TAFA4: variants seen among roughly 807,000 people sequenced by gnomAD.
TAFA4 encodes the protein TAFA chemokine like family member 4.
Under a neutral mutation model 21.1 loss-of-function variants are expected in TAFA4, and 20 were observed. The ratio of observed to expected loss-of-function variants is 0.95; its 90% CI spans 0.67 to 1.38. TAFA4 has a LOEUF of 1.38. Ranked by LOEUF, TAFA4 falls within the 40% of genes most tolerant of loss-of-function variation. The pLI is 0.00. For missense variants in TAFA4, 211 were observed against 180.9 expected, an observed-to-expected ratio of 1.17 and a Z score of -0.95; for synonymous variants, 71 against 67.4, an observed-to-expected ratio of 1.05 and a Z score of -0.26.
At chr3:68,897,134 T>G (rs1188069107) in intron 1 of TAFA4, among the ~76,000 whole-genome samples, 1 of 151,870 alleles carries the variant, frequency 6.6e-6, no homozygotes. Flanking sequence ...ACTCATGACC[T>G]CAAGTGATCC....
intron 1 of TAFA4, among the ~76,000 whole-genome samples, chr3:68,914,866 A>G (rs2089989373): frequency 6.6e-6 from 1 of 152,198 alleles, no homozygotes; most frequent in Non-Finnish European, 1.5e-5. Flanking sequence ...GTTGGGGGAA[A>G]AAAAGAATAG....
intron 3 of TAFA4, among the ~76,000 whole-genome samples, chr3:68,784,221 G>T (rs113408533): frequency 0.018 from 2,751 of 152,314 alleles, 85 homozygotes; most frequent in African/African-American, 0.062. Flanking sequence ...TGAGGGGAAG[G>T]CACAACTTTT....
intron 1 of TAFA4, among the ~76,000 whole-genome samples, chr3:68,916,575 G>A (rs2090006942): frequency 6.6e-6 from 1 of 152,168 alleles, no homozygotes; most frequent in Non-Finnish European, 1.5e-5. Flanking sequence ...CATTCTGCCT[G>A]TATCATTTCA....
intron 3 of TAFA4, among the ~76,000 whole-genome samples, chr3:68,780,680 C>A (rs1259656612): frequency 1.3e-5 from 2 of 152,178 alleles, no homozygotes; most frequent in African/African-American, 2.4e-5. Context: ...CATACTCTTT[C>A]TTTTGTAAAT....
intron 5 of TAFA4, 92 bp downstream of exon 5, chr3:68,738,983 A>G: frequency 6.4e-7 from 1 of 1,551,068 alleles, no homozygotes; most frequent in South Asian, 1.2e-5. Flanking sequence ...TTAACACATA[A>G]TAATGTGTTC....
chr3:68,805,545 G>C (rs1381244615), intron 3 of TAFA4, among the ~76,000 whole-genome samples: 1 of 152,114 alleles, frequency 6.6e-6, no homozygotes, highest in African/African-American at 2.4e-5. Context: ...GCAAAGACTT[G>C]GAACCAACCC....
chr3:68,909,694 T>C (rs957776666), intron 1 of TAFA4, among the ~76,000 whole-genome samples: 28 of 152,238 alleles, frequency 1.8e-4, no homozygotes, highest in African/African-American at 6.3e-4. Flanking sequence ...TACTATCAGA[T>C]GGGACTGGGT....
At chr3:68,752,386 C>A (rs1430626483) in intron 4 of TAFA4, among the ~76,000 whole-genome samples, 1 of 152,208 alleles carries the variant, frequency 6.6e-6, no homozygotes, top group Non-Finnish European at 1.5e-5. Context: ...ATGAACGATA[C>A]ATGATTCCAA....
At chr3:68,841,749 G>C (rs6795412) in intron 3 of TAFA4, among the ~76,000 whole-genome samples, 1 of 150,822 alleles carries the variant, frequency 6.6e-6, no homozygotes, top group Non-Finnish European at 1.5e-5. Context: ...CCCTGTGTCC[G>C]TGTGTTCTCA....
intron 1 of TAFA4, among the ~76,000 whole-genome samples, chr3:68,893,093 A>G (rs1284167624): frequency 6.6e-6 from 1 of 152,214 alleles, no homozygotes; most frequent in Non-Finnish European, 1.5e-5. Context: ...TAATTGGACC[A>G]GTTTTTAATT....
Position 68,855,172 on chromosome 3 carries a change from C to T in TAFA4, c.130+25558G>A, listed in dbSNP as rs556845041. Among the ~76,000 whole-genome samples, 6 of 152,226 alleles carry T rather than the reference C, an allele frequency of 3.9e-5. No homozygotes were observed. In the South Asian group the frequency reaches 1.2e-3, roughly 32 times the overall value. On this transcript the variant is annotated intron_variant, in intron 3 of 5. Transcript: ENST00000295569. ...AAAACTAAATGTTTCTAAACCAACA[C>T]CAAAGAGTTCAATTATGTTCTGTAT... is the stretch of plus-strand genomic sequence containing the variant.
chr3:68,791,678 C>G (rs1048136105), intron 3 of TAFA4, among the ~76,000 whole-genome samples: 15 of 152,038 alleles, frequency 9.9e-5, no homozygotes, highest in African/African-American at 3.6e-4. Flanking sequence ...AGAAATAAAC[C>G]ATACTGTGCC....
chr3:68,752,257 G>A (rs1303801516), intron 4 of TAFA4, among the ~76,000 whole-genome samples: 2 of 152,132 alleles, frequency 1.3e-5, no homozygotes, highest in Admixed American at 6.5e-5. Flanking sequence ...GGCGTCTGCT[G>A]GAAGAAGCCA....
In TAFA4 at chr3:68,920,036, T is replaced by C. The variant is rs868427363; in HGVS notation, c.-123+12204A>G. Among the ~76,000 whole-genome samples, 3 of 152,314 alleles carry C rather than the reference T, an allele frequency of 2.0e-5. 1 individual carries two copies. In the South Asian group the frequency reaches 6.2e-4, roughly 32 times the overall value. On this transcript the variant is annotated intron_variant, in intron 1 of 5. Transcript: ENST00000295569. ...ACACCACATCTCAGTTAACACCATA[T>C]ATGACTTTGTTCAAGAATGGTATCA...
intron 4 of TAFA4, among the ~76,000 whole-genome samples, chr3:68,750,252 A>G (rs1013853926): frequency 2.0e-5 from 3 of 152,270 alleles, no homozygotes; most frequent in Admixed American, 2.0e-4. Context: ...AGTTATGATC[A>G]TGCCACTGCA....
At chr3:68,919,493 A>T (rs113476101) in intron 1 of TAFA4, among the ~76,000 whole-genome samples, 2,832 of 152,266 alleles carry the variant, frequency 0.019, 103 homozygotes, top group African/African-American at 0.064. Flanking sequence ...CAATGGCCTT[A>T]CCTTTTATGA....
At chr3:68,815,553 G>A (rs7433997) in intron 3 of TAFA4, among the ~76,000 whole-genome samples, 39,178 of 151,984 alleles carry the variant, frequency 0.26, 6,427 homozygotes, top group East Asian at 0.85. Flanking sequence ...GCCAAAAGAC[G>A]CATGAAAAAA....
At chr3:68,854,306 G>A (rs979566887) in intron 3 of TAFA4, among the ~76,000 whole-genome samples, 4 of 152,002 alleles carry the variant, frequency 2.6e-5, no homozygotes, top group Admixed American at 2.0e-4. Context: ...AATGGCAGAC[G>A]ACATCAGGGA....
chr3:68,827,345 T>G (rs1227486885), intron 3 of TAFA4, among the ~76,000 whole-genome samples: 1 of 152,188 alleles, frequency 6.6e-6, no homozygotes, highest in African/African-American at 2.4e-5. Flanking sequence ...ACAAGAAACA[T>G]ATGTGTGCAT....
Sources: allele counts gnomAD v4.1 joint callset (sites outside exome capture counted in the v4.1 genomes callset), GRCh38; gene constraint gnomAD v4.1.1; transcripts MANE v1.5; gene names NCBI Gene and HGNC (gene_info 2026-07-23, HGNC 2026-07-21).